The following PPP1R7 variants were observed in gnomAD, a reference collection of about 807,000 sequenced individuals.
PPP1R7 encodes the protein protein phosphatase 1 regulatory subunit 22.
PPP1R7 carries 18 observed loss-of-function variants against 45.2 expected under a neutral mutation model. The observed-to-expected ratio is 0.40, with a 90% CI of 0.28 to 0.59. The LOEUF is 0.59. Ranked by LOEUF, PPP1R7 falls within the 20% of genes least tolerant of loss-of-function variation. The pLI is 0.46. For synonymous variants in PPP1R7, 181 were observed against 183.4 expected, an observed-to-expected ratio of 0.99 and a Z score of 0.11; for missense variants, 314 against 455.8, an observed-to-expected ratio of 0.69 and a Z score of 2.83.
Position 241,159,214 on chromosome 2 carries a change from C to G in PPP1R7, c.305C>G (p.Thr102Ser). 2 of 1,613,288 alleles carry G rather than the reference C, an allele frequency of 1.2e-6. No individual in the cohort carries two copies. The highest frequency in any genetic ancestry group is 1.1e-5 in the South Asian group (1 of 91,010). The change falls in exon 5 of 10, where the codon ACT (threonine) becomes AGT (serine). Residue 102 changes from threonine (T) to serine (S), a missense_variant and splice_region_variant. Around this residue, in one of 3 missense-constraint regions of PPP1R7, gnomAD observed 112 missense variants for 144.5 expected, o/e 0.78. Coordinates refer to ENST00000234038, the MANE Select transcript of PPP1R7 (RefSeq NM_002712.3). ...ATTGTCCCTTTTCCCATCCCCCAGA[C>G]TCTCTGCCTCCGCCAAAATTTAATT... ...EGFEVLKKVK[T>S]LCLRQNLIKC...
chr2:241,154,070 C>G (rs188507931), intron 2 of PPP1R7, among the ~76,000 whole-genome samples: 1 of 149,546 alleles, frequency 6.7e-6, no homozygotes, highest in African/African-American at 2.5e-5. Context: ...ATCCCAGTTA[C>G]TCAGGAGGCT....
At chr2:241,150,409 C>A, upstream of PPP1R7, 1 of 1,380,050 alleles carries the variant, frequency 7.2e-7, no homozygotes, top group Non-Finnish European at 9.4e-7. Flanking sequence ...GCCGGAATCC[C>A]ATTGGCAGGG....
intron 1 of PPP1R7, 152 bp downstream of exon 1, chr2:241,150,699 G>C (rs899483054): frequency 1.6e-6 from 2 of 1,252,096 alleles, no homozygotes; most frequent in African/African-American, 3.2e-5. Flanking sequence ...CCGGGGGAGC[G>C]GGGGAGGCGC....
chr2:241,165,769 G>C (rs969549204), intron 7 of PPP1R7, among the ~76,000 whole-genome samples: 3 of 150,020 alleles, frequency 2.0e-5, no homozygotes, highest in Non-Finnish European at 4.4e-5. Flanking sequence ...AATTTTTTTT[G>C]TATTTTTTTC....
intron 3 of PPP1R7, 118 bp from the exon 4 acceptor site, chr2:241,158,366 C>T: frequency 1.1e-6 from 1 of 879,588 alleles, no homozygotes; most frequent in South Asian, 1.4e-5. Flanking sequence ...CTGTCTGCTG[C>T]AGACCCACCT....
In PPP1R7 at chr2:241,160,342, A is replaced by G; in HGVS notation, c.445A>G (p.Ile149Val). ...TTTGGTTGTTCTCAGGATTCTAGAT[A>G]TTTCTTTTAATCTGCTGAGAAACAT... Reference protein sequence around the residue: ...EALTELEILDISFNLLRNIEG... With the variant: ...EALTELEILDVSFNLLRNIEG... The change falls in exon 6 of 10, where the codon ATT becomes GTT. Residue 149 changes from isoleucine to valine, a missense_variant. Ile to Val is a conservative substitution (Grantham distance 29, BLOSUM62 3). Coordinates refer to ENST00000234038, the MANE Select transcript of PPP1R7 (RefSeq NM_002712.3). 1 of 1,597,534 alleles carries G rather than the reference A, an allele frequency of 6.3e-7. No individual in the cohort carries two copies.
At chr2:241,159,896 G>T (rs1324087466) in intron 5 of PPP1R7, among the ~76,000 whole-genome samples, 2 of 152,122 alleles carry the variant, frequency 1.3e-5, no homozygotes, top group African/African-American at 4.8e-5. Flanking sequence ...AAAAGAAGGA[G>T]CCAGGTCCTA....
Position 241,182,930 on chromosome 2 carries a change from A to G in PPP1R7, c.*107A>G. The G allele has an allele frequency of 2.3e-6, 3 of 1,310,396 alleles. No individual in the cohort carries two copies. Among genetic ancestry groups the G allele is most frequent in the African/African-American group, 1.5e-5 (1 of 67,500 alleles). The allele number at this position is 1,310,396 out of a possible 1,614,324, so 81.2% of individuals were successfully genotyped here. ...GGTCGTCACTATATCAACAGTCACA[A>G]ACCCAATGGCAATAAAGGCACTGAC... is the stretch of plus-strand genomic sequence containing the variant. On this transcript the variant is annotated 3_prime_UTR_variant, in exon 10 of 10. Coordinates refer to ENST00000234038, the MANE Select transcript of PPP1R7 (RefSeq NM_002712.3).
chr2:241,164,617 G>C (rs2067666340), intron 7 of PPP1R7, among the ~76,000 whole-genome samples: 1 of 152,158 alleles, frequency 6.6e-6, no homozygotes, highest in South Asian at 2.1e-4. Flanking sequence ...GAAAGTTCTT[G>C]GCCTGGTACA....
At chr2:241,159,415 G>C in intron 5 of PPP1R7, 72 bp downstream of exon 5, 1 of 1,568,852 alleles carries the variant, frequency 6.4e-7, no homozygotes, top group Non-Finnish European at 8.7e-7. Flanking sequence ...AGTCTCCAGA[G>C]CCAACCTCCT....
chr2:241,149,820 CG>C (rs2067200111), upstream of PPP1R7: 1 of 1,527,198 alleles, frequency 6.5e-7, no homozygotes, highest in East Asian at 2.5e-5. Flanking sequence ...CTGCAGCGTC[CG>C]CACTGGGCTG....
chr2:241,156,467 T>C (rs2067459346), intron 2 of PPP1R7, among the ~76,000 whole-genome samples: 3 of 152,132 alleles, frequency 2.0e-5, no homozygotes, highest in Admixed American at 2.0e-4. Flanking sequence ...GGCTAGGAGT[T>C]CCAGACCAGC....
At chr2:241,168,296 T>C (rs529751639) in intron 8 of PPP1R7, among the ~76,000 whole-genome samples, 4 of 152,248 alleles carry the variant, frequency 2.6e-5, no homozygotes, top group Admixed American at 2.6e-4. Flanking sequence ...CACCACCGGC[T>C]CTGCCCCTCG....
upstream of PPP1R7, chr2:241,150,120 C>T: frequency 1.6e-6 from 2 of 1,262,198 alleles, no homozygotes; most frequent in Non-Finnish European, 2.0e-6. Flanking sequence ...GGCCCCTCCA[C>T]GCCTCCGAGG....
intron 5 of PPP1R7, among the ~76,000 whole-genome samples, 188 bp downstream of exon 5, chr2:241,159,531 G>T (rs1440547204): frequency 6.6e-6 from 1 of 152,174 alleles, no homozygotes; most frequent in African/African-American, 2.4e-5. Flanking sequence ...GGCCTCATCG[G>T]CTTCATGCAT....
intron 6 of PPP1R7, 73 bp downstream of exon 6, chr2:241,160,567 G>C: frequency 5.3e-6 from 7 of 1,327,670 alleles, no homozygotes; most frequent in East Asian, 2.5e-5. Flanking sequence ...CTCAGTGGGT[G>C]TATGTAGAAT....
At chr2:241,176,203 A>T (rs2067905520) in intron 9 of PPP1R7, among the ~76,000 whole-genome samples, 1 of 152,122 alleles carries the variant, frequency 6.6e-6, no homozygotes, top group Admixed American at 6.5e-5. Flanking sequence ...GTGAGCCACC[A>T]TGCCCAGTCA....
chr2:241,173,854 T>C (rs1345425012), intron 9 of PPP1R7, among the ~76,000 whole-genome samples: 1 of 152,226 alleles, frequency 6.6e-6, no homozygotes, highest in Non-Finnish European at 1.5e-5. Context: ...GTTAAGCCCA[T>C]GTCATGAATT....
chr2:241,177,598 A>G (rs948003409), intron 9 of PPP1R7, among the ~76,000 whole-genome samples: 2 of 152,234 alleles, frequency 1.3e-5, no homozygotes, highest in Non-Finnish European at 2.9e-5. Context: ...TTTAAAGTGA[A>G]AGAAAGCGAT....
Sources: gnomAD v4.1 joint callset for allele counts (sites outside exome capture counted in the v4.1 genomes callset) on GRCh38, gnomAD v4.1.1 for gene constraint, gnomAD v4.1.1 regional missense constraint, MANE v1.5 for transcripts, NCBI Gene and HGNC (gene_info 2026-07-23, HGNC 2026-07-21) for gene names.